Variants in GASK1B observed in about 807,000 individuals in gnomAD.
GASK1B encodes Golgi-associated kinase 1B.
Under a neutral mutation model 42.8 loss-of-function variants are expected in GASK1B, and 34 were observed. The ratio of observed to expected loss-of-function variants is 0.79; its 90% CI spans 0.60 to 1.06. GASK1B has a LOEUF of 1.06. Among genes scored for constraint, GASK1B ranks in the 50% least tolerant of loss-of-function variants. The pLI, the probability that GASK1B is intolerant of heterozygous loss-of-function variation, is 0.00. For synonymous variants in GASK1B, 262 were observed against 259.1 expected (o/e 1.01, Z -0.11); for missense variants, 686 against 661.0 (o/e 1.04, Z -0.42).
chr4:158,156,596 G>A (rs1052184986), intron 2 of GASK1B, among the ~76,000 whole-genome samples: 2 of 152,092 alleles, frequency 1.3e-5, no homozygotes, highest in African/African-American at 4.8e-5. Context: ...AAAGAATTAT[G>A]AGCCCCAGTG....
chr4:158,159,984 A>G (rs1326868895), intron 2 of GASK1B, among the ~76,000 whole-genome samples: 1 of 152,170 alleles, frequency 6.6e-6, no homozygotes, highest in Non-Finnish European at 1.5e-5. Flanking sequence ...AGCATTTGTC[A>G]CTGAGCAAAA....
chr4:158,133,813 G>C (rs941240176), intron 3 of GASK1B, among the ~76,000 whole-genome samples: 1 of 152,150 alleles, frequency 6.6e-6, no homozygotes, highest in Non-Finnish European at 1.5e-5. Context: ...CTGAAAACAG[G>C]TGTGTGCATT....
chr4:158,125,712 C>T lies in GASK1B; in HGVS notation c.*1695G>A, dbSNP rs1406396900. 1 of 152,118 alleles carries T rather than the reference C, an allele frequency of 6.6e-6. No individual in the cohort carries two copies. The highest frequency in any genetic ancestry group is 1.9e-4 in the East Asian group (1 of 5,186). The allele number at this position is 152,118 out of a possible 1,614,324, so 9.4% of individuals were successfully genotyped here. On this transcript the variant is annotated 3_prime_UTR_variant, in exon 5 of 5. Coordinates refer to ENST00000585682, the MANE Select transcript of GASK1B (RefSeq NM_001128424.2). ...AGGGAAAATTGAAGAGGAAGATAAT[C>T]CAAAGCTCAACTGTCCAGGGGGCGA...
chr4:158,151,881 T>G (rs989585513), intron 3 of GASK1B, among the ~76,000 whole-genome samples: 1 of 152,156 alleles, frequency 6.6e-6, no homozygotes, highest in Admixed American at 6.5e-5. Context: ...TGTGAGGGTG[T>G]TGCCAAAGAG....
chr4:158,134,590 T>C (rs955242267), intron 3 of GASK1B, among the ~76,000 whole-genome samples: 30 of 152,344 alleles, frequency 2.0e-4, no homozygotes, highest in African/African-American at 7.0e-4. Flanking sequence ...AAAATGAGTC[T>C]TTCCTTTCTT....
At chr4:158,156,204 GTCTGAGTGGAGCTGC>G (rs1731753875) in intron 2 of GASK1B, among the ~76,000 whole-genome samples, 1 of 152,158 alleles carries the variant, frequency 6.6e-6, no homozygotes, top group African/African-American at 2.4e-5. Context: ...TCTATTCAAT[GTCTGAGTGGAGCTGC>G]TCTTTATTTG....
At chr4:158,166,504 T>C (rs1732235851) in intron 2 of GASK1B, among the ~76,000 whole-genome samples, 1 of 152,176 alleles carries the variant, frequency 6.6e-6, no homozygotes, top group Non-Finnish European at 1.5e-5. Flanking sequence ...CCTTTTCACA[T>C]CACATATCCA....
At position 158,127,335 on chromosome 4, in the gene GASK1B, G is replaced by T; in HGVS notation, c.*72C>A. 1 of 1,283,114 alleles carries T rather than the reference G, an allele frequency of 7.8e-7. No homozygotes were observed. Among genetic ancestry groups the T allele is most frequent in the Non-Finnish European group, 1.1e-6 (1 of 903,308 alleles). The allele number at this position is 1,283,114 out of a possible 1,614,324, so 79.5% of individuals were successfully genotyped here. ...CTCATTGCTAAACGGGCTTGAGGTT[G>T]ATGTGCTTGATTTAAAAACAAAACC... is the stretch of plus-strand genomic sequence containing the variant. On this transcript the variant is annotated 3_prime_UTR_variant, in exon 5 of 5. Transcript: ENST00000585682.
At chr4:158,145,160 T>C (rs1731282010) in intron 3 of GASK1B, among the ~76,000 whole-genome samples, 1 of 152,198 alleles carries the variant, frequency 6.6e-6, no homozygotes, top group African/African-American at 2.4e-5. Context: ...TCCCTCTTGT[T>C]TCAACAATGA....
Position 158,126,500 on chromosome 4 carries a change from T to A in GASK1B, c.*907A>T, listed in dbSNP as rs886425145. The A allele has an allele frequency of 6.6e-6, 1 of 152,032 alleles. No homozygotes were observed. The highest frequency in any genetic ancestry group is 1.5e-5 in the Non-Finnish European group (1 of 67,978). The allele number at this position is 152,032 out of a possible 1,614,324, so 9.4% of individuals were successfully genotyped here. ...TTAAATCAAATTAAATATAAGTACA[T>A]AGAACAAATTTTAAGGAATTCACTA... On this transcript the variant is annotated 3_prime_UTR_variant, in exon 5 of 5. Coordinates refer to ENST00000585682, the MANE Select transcript of GASK1B (RefSeq NM_001128424.2).
At chr4:158,159,323 G>A (rs774852755) in intron 2 of GASK1B, among the ~76,000 whole-genome samples, 2 of 152,058 alleles carry the variant, frequency 1.3e-5, no homozygotes, top group Non-Finnish European at 2.9e-5. Flanking sequence ...CTACATATAC[G>A]TGTGTGTGGC....
intron 3 of GASK1B, among the ~76,000 whole-genome samples, chr4:158,132,446 A>G (rs1730719179): frequency 1.3e-5 from 2 of 152,194 alleles, no homozygotes; most frequent in South Asian, 4.1e-4. Context: ...ACATCCTATC[A>G]GTGAGCTAGG....
Position 158,154,673 on chromosome 4 carries a change from T to C in GASK1B, c.1125+938A>G, listed in dbSNP as rs765835052. Among the ~76,000 whole-genome samples the C allele has an allele frequency of 1.6e-4, 24 of 152,158 alleles. 1 individual carries two copies. The highest frequency in any genetic ancestry group is 3.1e-4 in the Non-Finnish European group (21 of 67,998). On this transcript the variant is annotated intron_variant, in intron 3 of 4. Coordinates refer to ENST00000585682, the MANE Select transcript of GASK1B (RefSeq NM_001128424.2). ...TATATATACCATAGAATACTACTGATGCATAAAGAGGTATGAAATAATGGC... is the reference window on the plus strand; with the variant it reads ...TATATATACCATAGAATACTACTGACGCATAAAGAGGTATGAAATAATGGC...
Position 158,171,274 on chromosome 4 carries a change from G to A in GASK1B, c.102C>T (p.Thr34=). 1 of 1,613,918 alleles carries A rather than the reference G, an allele frequency of 6.2e-7. No homozygotes were observed. The highest frequency in any genetic ancestry group is 2.2e-5 in the East Asian group (1 of 44,868). The stretch of plus-strand genomic sequence containing the variant: ...CAGTGCCCAGCAGAAGGTTTCTCCG[G>A]GTCCTTGGACGCCGGCTGCTCCAGA... ...RKLWSSRRPR[T]RRNLLLGTAC... is the part of the protein sequence containing the mutation. The change falls in exon 2 of 5, where the codon ACC becomes ACT. Residue 34 remains threonine (T), a synonymous_variant. Transcript: ENST00000585682.
At position 158,130,822 on chromosome 4, in the gene GASK1B, T is replaced by A. The variant is rs1730647490; in HGVS notation, c.1316A>T (p.Asp439Val). 6.2e-7 allele frequency: 1 copy of A among 1,613,564 alleles called. No homozygotes were observed. Among genetic ancestry groups the A allele is most frequent in the African/African-American group, 1.3e-5 (1 of 75,046 alleles). The change falls in exon 4 of 5, where the codon GAT (aspartate) becomes GTT (valine). Residue 439 changes from aspartate to valine, a missense_variant. By Grantham distance (152) the Asp-to-Val change is radical (BLOSUM62 -3). Coordinates refer to ENST00000585682, the MANE Select transcript of GASK1B (RefSeq NM_001128424.2). ...TTCTAACAATTTGAAGTTTAAGTTA[T>A]CTTCACTCCTGTCAAAGAAACCCTT... ...DNKGFFDRSE[D>V]NLNFKLLEGI...
At chr4:158,151,005 T>C (rs1333298651) in intron 3 of GASK1B, among the ~76,000 whole-genome samples, 1 of 152,198 alleles carries the variant, frequency 6.6e-6, no homozygotes. Flanking sequence ...CTCACACTCA[T>C]AAAATAATGA....
chr4:158,154,666 C>T (rs1296431453), intron 3 of GASK1B, among the ~76,000 whole-genome samples: 1 of 152,116 alleles, frequency 6.6e-6, no homozygotes, highest in Non-Finnish European at 1.5e-5. Flanking sequence ...CCATAGAATA[C>T]TACTGATGCA....
rs574453172 is a variant in GASK1B at position 158,127,349 on chromosome 4, A to C, written c.*58T>G. 2.7e-5 allele frequency: 40 copies of C among 1,491,804 alleles called. No homozygotes were observed. In the African/African-American group the frequency reaches 4.3e-4, roughly 16 times the overall value. 92.4% of individuals were successfully genotyped at this position (1,491,804 alleles called of 1,614,324 possible). A position where few individuals can be genotyped will look rare whatever the true frequency, so the allele number is the denominator to read the frequency against. ...GGCTTGAGGTTGATGTGCTTGATTTAAAAACAAAACCAAAAATGCATAAAT... is the reference window on the plus strand; with the variant it reads ...GGCTTGAGGTTGATGTGCTTGATTTCAAAACAAAACCAAAAATGCATAAAT... On this transcript the variant is annotated 3_prime_UTR_variant, in exon 5 of 5. Coordinates refer to ENST00000585682, the MANE Select transcript of GASK1B (RefSeq NM_001128424.2).
intron 2 of GASK1B, among the ~76,000 whole-genome samples, chr4:158,164,039 A>T (rs577927452): frequency 2.1e-4 from 32 of 152,320 alleles, no homozygotes; most frequent in African/African-American, 7.0e-4. Context: ...CCCACTGAAG[A>T]GCCCACCTCC....
Sources: gnomAD v4.1 joint callset for allele counts (sites outside exome capture counted in the v4.1 genomes callset) on GRCh38, gnomAD v4.1.1 for gene constraint, MANE v1.5 for transcripts, NCBI Gene and HGNC (gene_info 2026-07-23, HGNC 2026-07-21) for gene names.